MYO9B: variants seen among roughly 807,000 people sequenced by gnomAD.
MYO9B encodes the protein myosin IXB, also known as unconventional myosin-IXb.
MYO9B carries 71 observed loss-of-function variants against 229.5 expected under a neutral mutation model. That is an observed-to-expected ratio of 0.31 (90% confidence interval 0.26 to 0.38). The LOEUF (loss-of-function observed/expected upper bound fraction) is 0.38, where lower values mean the gene tolerates loss of function less well. Among genes scored for constraint, MYO9B ranks in the 10% least tolerant of loss-of-function variants. The probability of loss-of-function intolerance (pLI) is 1.00; values close to 1 mark genes in which losing one functional copy is unlikely to be tolerated. For synonymous variants in MYO9B, 1,185 were observed against 1,235.8 expected (o/e 0.96, Z 0.86); for missense variants, 2,255 against 2,920.5 (o/e 0.77, Z 5.25).
intron 2 of MYO9B, among the ~76,000 whole-genome samples, chr19:17,129,816 G>GGTTT (rs995343355): frequency 6.6e-6 from 1 of 151,792 alleles, no homozygotes; most frequent in Non-Finnish European, 1.5e-5. Flanking sequence ...TTGGTTTTTT[G>GGTTT]GTTTGTTTGT....
chr19:17,100,795 A>G (rs956669749), intron 1 of MYO9B, among the ~76,000 whole-genome samples: 1 of 152,078 alleles, frequency 6.6e-6, no homozygotes, highest in African/African-American at 2.4e-5. Context: ...ACTCTAGGCC[A>G]TTCCCGAGTG....
At chr19:17,206,862 C>G (rs1357866086) in intron 34 of MYO9B, 78 bp downstream of exon 34, 1 of 1,343,550 alleles carries the variant, frequency 7.4e-7, no homozygotes, top group Non-Finnish European at 1.0e-6. Context: ...CCAGGAGGAC[C>G]CGAGCTGGCG....
At chr19:17,085,661 TA>T (rs71180356) in intron 1 of MYO9B, among the ~76,000 whole-genome samples, 42,490 of 142,102 alleles carry the variant, frequency 0.3, 6,169 homozygotes, top group African/African-American at 0.33. Context: ...CCGTCTTTAA[TA>T]AAAAAAAAAA....
At chr19:17,154,212 C>G in intron 5 of MYO9B, 103 bp from the exon 6 acceptor site, 1 of 1,361,204 alleles carries the variant, frequency 7.3e-7, no homozygotes, top group Non-Finnish European at 1.0e-6. Context: ...ATTCATTCCC[C>G]TGGTCCTGGG....
intron 1 of MYO9B, among the ~76,000 whole-genome samples, chr19:17,085,000 A>G (rs559684458): frequency 6.6e-6 from 1 of 152,260 alleles, no homozygotes; most frequent in East Asian, 1.9e-4. Flanking sequence ...AAGAACACCA[A>G]GCTTTTGAGG....
intron 13 of MYO9B, 149 bp downstream of exon 13, chr19:17,173,112 C>T: frequency 9.8e-7 from 1 of 1,020,080 alleles, no homozygotes; most frequent in East Asian, 2.6e-5. Flanking sequence ...TTCCTGTCAC[C>T]CTGAACAGAA....
intron 18 of MYO9B, among the ~76,000 whole-genome samples, chr19:17,187,541 T>C (rs1247769784): frequency 1.9e-5 from 2 of 103,090 alleles, no homozygotes; most frequent in African/African-American, 1.0e-4. Flanking sequence ...TGCATTTGGG[T>C]TCTTTTTTTT....
chr19:17,126,411 T>C (rs879883895), intron 2 of MYO9B, among the ~76,000 whole-genome samples: 1 of 152,122 alleles, frequency 6.6e-6, no homozygotes, highest in Non-Finnish European at 1.5e-5. Context: ...GAAAACCCCA[T>C]TTAACAGAGG....
At chr19:17,080,325 C>G (rs1030284338) in intron 1 of MYO9B, among the ~76,000 whole-genome samples, 19 of 152,162 alleles carry the variant, frequency 1.2e-4, no homozygotes, top group African/African-American at 3.6e-4. Context: ...GCTTGCAGTT[C>G]TAGAGGCCAG....
intron 2 of MYO9B, among the ~76,000 whole-genome samples, chr19:17,141,494 C>T (rs1300223782): frequency 6.6e-6 from 1 of 152,230 alleles, no homozygotes; most frequent in Non-Finnish European, 1.5e-5. Context: ...CACCAGGCCC[C>T]AGGACCAGCT....
chr19:17,166,199 G>A (rs2072657739), intron 10 of MYO9B, among the ~76,000 whole-genome samples: 1 of 152,002 alleles, frequency 6.6e-6, no homozygotes, highest in Admixed American at 6.6e-5. Context: ...TGTGCCACCA[G>A]GCCCGGCTAA....
In MYO9B at chr19:17,212,391, C is replaced by A; in HGVS notation, c.*81C>A. On this transcript the variant is annotated 3_prime_UTR_variant, in exon 40 of 40. Transcript: ENST00000682292. The surrounding 1 kb of genome is among the most constrained non-coding windows in gnomAD (Gnocchi z 5.4). ...GCGCCAGAGCTGCAGAGCTAGTGTT[C>A]GGCCCTCAGAGAAGGATCCAGAATC... 2 of 1,376,120 alleles carry A rather than the reference C, an allele frequency of 1.5e-6. No individual in the cohort carries two copies. Among genetic ancestry groups the A allele is most frequent in the South Asian group, 1.6e-5 (1 of 63,484 alleles). 85.2% of individuals were successfully genotyped at this position (1,376,120 alleles called of 1,614,324 possible).
chr19:17,141,272 C>T (rs1486945308), intron 2 of MYO9B, among the ~76,000 whole-genome samples: 1 of 152,124 alleles, frequency 6.6e-6, no homozygotes, highest in African/African-American at 2.4e-5. Context: ...CCACCCCCTA[C>T]AATGGGACCT....
At chr19:17,210,467 A>C in intron 37 of MYO9B, 87 bp downstream of exon 37, 3 of 1,435,594 alleles carry the variant, frequency 2.1e-6, no homozygotes, top group Non-Finnish European at 2.8e-6. Flanking sequence ...CCCTCGTAGG[A>C]TAGACAGAGC....
At chr19:17,142,005 G>A (rs1168307712) in intron 2 of MYO9B, among the ~76,000 whole-genome samples, 4 of 151,892 alleles carry the variant, frequency 2.6e-5, no homozygotes, top group African/African-American at 9.7e-5. Context: ...AGAGAGATGC[G>A]GTCTCTACAA....
chr19:17,137,643 A>G (rs971796537), intron 2 of MYO9B, among the ~76,000 whole-genome samples: 15 of 152,178 alleles, frequency 9.9e-5, no homozygotes, highest in African/African-American at 3.6e-4. Flanking sequence ...TGACCCGCAC[A>G]TGGGTCCAGC....
At chr19:17,134,723 A>G (rs865995297) in intron 2 of MYO9B, among the ~76,000 whole-genome samples, 35 of 151,256 alleles carry the variant, frequency 2.3e-4, no homozygotes, top group African/African-American at 8.3e-4. Context: ...ACTATTCCAT[A>G]GTGTATATAA....
At chr19:17,210,309 A>C (rs988382366) in intron 36 of MYO9B, 24 bp from the exon 37 acceptor site, 9 of 1,579,824 alleles carry the variant, frequency 5.7e-6, no homozygotes, top group Non-Finnish European at 6.9e-6. Flanking sequence ...CCGTGTGGTC[A>C]CCCTGTGTTC....
chr19:17,127,713 C>T (rs1003774223), intron 2 of MYO9B, among the ~76,000 whole-genome samples: 3 of 152,226 alleles, frequency 2.0e-5, no homozygotes, highest in South Asian at 4.1e-4. Flanking sequence ...TGCAGACCCC[C>T]GGTAGAGATC....
Sources: gnomAD v4.1 joint callset for allele counts (sites outside exome capture counted in the v4.1 genomes callset) on GRCh38, gnomAD v4.1.1 for gene constraint, Gnocchi (gnomAD v3.1) non-coding constraint, MANE v1.5 for transcripts, NCBI Gene and HGNC (gene_info 2026-07-23, HGNC 2026-07-21) for gene names.